FAM81A: variants seen among roughly 807,000 people sequenced by gnomAD.
FAM81A encodes family with sequence similarity 81 member A.
In FAM81A, 19 loss-of-function variants were observed where a neutral mutation model predicts 46.7. The observed-to-expected ratio is 0.41, with a 90% CI of 0.28 to 0.60. The LOEUF (loss-of-function observed/expected upper bound fraction) is 0.60. Ranked by LOEUF, FAM81A falls within the 20% of genes least tolerant of loss-of-function variation. The pLI is 0.34. For missense variants in FAM81A, 377 were observed against 453.5 expected, an observed-to-expected ratio of 0.83 and a Z score of 1.53; for synonymous variants, 183 against 152.9, an observed-to-expected ratio of 1.20 and a Z score of -1.45.
intron 3 of FAM81A, among the ~76,000 whole-genome samples, chr15:59,478,609 G>A (rs2081804504): frequency 6.6e-6 from 1 of 152,178 alleles, no homozygotes; most frequent in Admixed American, 6.5e-5. Context: ...TATTGAAACA[G>A]GTATATCAGC....
intron 8 of FAM81A, among the ~76,000 whole-genome samples, chr15:59,519,046 T>A (rs1334873613): frequency 6.6e-6 from 1 of 151,622 alleles, no homozygotes; most frequent in African/African-American, 2.4e-5. Context: ...TTGACTGCAG[T>A]CCTCATGCTA....
At chr15:59,433,935 A>T (rs566211293), upstream of FAM81A, among the ~76,000 whole-genome samples, 9 of 152,048 alleles carry the variant, frequency 5.9e-5, no homozygotes, top group African/African-American at 1.9e-4. Flanking sequence ...GGCTCACTAC[A>T]CCCTCTGCCT....
chr15:59,483,118 A>G (rs925440563), intron 3 of FAM81A, among the ~76,000 whole-genome samples: 30 of 151,904 alleles, frequency 2.0e-4, no homozygotes, highest in Non-Finnish European at 3.8e-4. Context: ...GTTCACTGCA[A>G]CCTCTGCCTC....
intron 3 of FAM81A, among the ~76,000 whole-genome samples, chr15:59,463,678 C>A (rs1181029400): frequency 1.3e-5 from 2 of 151,628 alleles, no homozygotes; most frequent in Non-Finnish European, 2.9e-5. Context: ...CCCTATCTTT[C>A]TCTAAAAATA....
chr15:59,518,387 G>A (rs1176236436), intron 8 of FAM81A, among the ~76,000 whole-genome samples: 3 of 152,076 alleles, frequency 2.0e-5, no homozygotes, highest in Non-Finnish European at 4.4e-5. Flanking sequence ...GAAGTGGTGT[G>A]ATCGTAGCTC....
intron 1 of FAM81A, among the ~76,000 whole-genome samples, chr15:59,453,061 C>T (rs1359601914): frequency 2.0e-5 from 3 of 152,204 alleles, no homozygotes; most frequent in African/African-American, 4.8e-5. Flanking sequence ...CCGCTCCTGG[C>T]TGAAAGTTTT....
chr15:59,488,601 T>G (rs1363186114), intron 3 of FAM81A, among the ~76,000 whole-genome samples: 1 of 152,194 alleles, frequency 6.6e-6, no homozygotes, highest in Non-Finnish European at 1.5e-5. Context: ...CATACAGAAA[T>G]TAGTGGCATT....
At chr15:59,451,696 G>A (rs141710637) in intron 1 of FAM81A, among the ~76,000 whole-genome samples, 87 of 152,056 alleles carry the variant, frequency 5.7e-4, no homozygotes, top group East Asian at 5.6e-3. Context: ...CAAATGATCC[G>A]TCCACCTCGG....
At chr15:59,512,176 A>G (rs1430745652) in intron 6 of FAM81A, among the ~76,000 whole-genome samples, 2 of 152,118 alleles carry the variant, frequency 1.3e-5, no homozygotes, top group Admixed American at 6.5e-5. Context: ...ATTTGTATAA[A>G]ATTTAAAAAT....
chr15:59,513,334 G>A (rs1390259829), intron 6 of FAM81A, among the ~76,000 whole-genome samples: 1 of 152,208 alleles, frequency 6.6e-6, no homozygotes, highest in Non-Finnish European at 1.5e-5. Context: ...GGACTAGGAG[G>A]AAGAGCCTGG....
intron 2 of FAM81A, among the ~76,000 whole-genome samples, chr15:59,423,625 G>A (rs1324925902): frequency 2.0e-5 from 3 of 152,032 alleles, no homozygotes; most frequent in Non-Finnish European, 4.4e-5. Context: ...TAAACTCTTA[G>A]GAAGCAATAA....
chr15:59,484,485 A>G (rs1415080682), intron 3 of FAM81A, among the ~76,000 whole-genome samples: 4 of 152,184 alleles, frequency 2.6e-5, no homozygotes, highest in African/African-American at 4.8e-5. Flanking sequence ...GTCTTGAATC[A>G]CCAACACCAC....
intron 2 of FAM81A, among the ~76,000 whole-genome samples, chr15:59,402,542 A>T (rs1452953780): frequency 6.6e-6 from 1 of 151,986 alleles, no homozygotes; most frequent in Non-Finnish European, 1.5e-5. Flanking sequence ...ATTATTATTT[A>T]ATTTTATTTT....
intron 1 of FAM81A, chr15:59,445,376 G>A (rs1394892689): frequency 1.3e-5 from 2 of 152,082 alleles, no homozygotes; most frequent in African/African-American, 4.8e-5. Context: ...TTGTTGAACC[G>A]GGAAGATGTT....
chr15:59,494,174 A>C (rs57770789), intron 4 of FAM81A, among the ~76,000 whole-genome samples: 1 of 152,202 alleles, frequency 6.6e-6, no homozygotes, highest in Admixed American at 6.5e-5. Context: ...ACTCACTATA[A>C]TAGGACTGGA....
At chr15:59,513,619 G>A (rs1381708905) in intron 6 of FAM81A, among the ~76,000 whole-genome samples, 2 of 151,988 alleles carry the variant, frequency 1.3e-5, no homozygotes, top group Non-Finnish European at 2.9e-5. Flanking sequence ...GTTTAATGTT[G>A]GCATATATAC....
intron 2 of FAM81A, among the ~76,000 whole-genome samples, chr15:59,413,928 G>C (rs2081133895): frequency 2.0e-5 from 3 of 152,050 alleles, no homozygotes; most frequent in South Asian, 4.1e-4. Flanking sequence ...TAGAATGGTA[G>C]CCCTCCCAAA....
At chr15:59,400,023 C>A (rs2081063518) in intron 1 of FAM81A, among the ~76,000 whole-genome samples, 1 of 151,676 alleles carries the variant, frequency 6.6e-6, no homozygotes, top group Non-Finnish European at 1.5e-5. Flanking sequence ...CCGAGTCTCT[C>A]TTCTGCTCCT....
At chr15:59,402,101 C>CT (rs1283424452) in intron 1 of FAM81A, 1 of 432,300 alleles carries the variant, frequency 2.3e-6, no homozygotes, top group Non-Finnish European at 4.1e-6. Flanking sequence ...CCGTGCAGGC[C>CT]TGACAGGAGA....
Sources: gnomAD v4.1 joint callset for allele counts (sites outside exome capture counted in the v4.1 genomes callset) on GRCh38, gnomAD v4.1.1 for gene constraint, MANE v1.5 for transcripts, NCBI Gene and HGNC (gene_info 2026-07-23, HGNC 2026-07-21) for gene names.